ZNF697: variants seen among roughly 807,000 people sequenced by gnomAD.
ZNF697 encodes the protein zinc finger protein 697.
In ZNF697, 23 loss-of-function variants were observed where a neutral mutation model predicts 32.4. That is an observed-to-expected ratio of 0.71 (90% CI 0.51 to 1.01). The LOEUF is 1.01. Among genes scored for constraint, ZNF697 ranks in the 50% least tolerant of loss-of-function variants. The pLI, the probability that ZNF697 is intolerant of heterozygous loss-of-function variation, is 0.00. For missense variants in ZNF697, 930 were observed against 794.0 expected (o/e 1.17, Z -2.06); for synonymous variants, 418 against 337.2 (o/e 1.24, Z -2.62).
chr1:119,641,269 G>A (rs1395303038), intron 1 of ZNF697, among the ~76,000 whole-genome samples: 4 of 152,140 alleles, frequency 2.6e-5, no homozygotes, highest in Non-Finnish European at 4.4e-5. Flanking sequence ...AGGGGAGTGT[G>A]TCTTCCAGTT....
chr1:119,648,198 C>CTGGT lies in ZNF697; in HGVS notation c.-549_-546dup, dbSNP rs1314067125. 6.2e-4 allele frequency among the ~76,000 whole-genome samples: 77 copies of CTGGT among 124,724 alleles called. 1 individual carries two copies. The highest frequency in any genetic ancestry group is 2.1e-3 in the South Asian group (8 of 3,726). The allele number at this position is 124,724 out of a possible 152,430, so 81.8% of individuals were successfully genotyped here. ...GGCCGCTGGGTGGCCCGCTGGCTGG[C>CTGGT]TGGTTGGCTGGCTGGCTGGCTGGCT... On this transcript the variant is annotated 5_prime_UTR_variant, in exon 1 of 3. Transcript: ENST00000421812.
At chr1:119,645,385 A>C (rs1457162154) in intron 1 of ZNF697, among the ~76,000 whole-genome samples, 1 of 152,222 alleles carries the variant, frequency 6.6e-6, no homozygotes, top group East Asian at 1.9e-4. Context: ...TTAACACCTA[A>C]AGCAGGTGTC....
At position 119,622,533 on chromosome 1, in the gene ZNF697, G is replaced by C. The variant is rs1242631348; in HGVS notation, c.*172C>G. On this transcript the variant is annotated 3_prime_UTR_variant, in exon 3 of 3. Coordinates refer to ENST00000421812, the MANE Select transcript of ZNF697 (RefSeq NM_001080470.2). ...AGGAGGCAAGTATAGCACCGGGAAA[G>C]ACCAACTTACTCAACACTCCTCCCA... 1.6e-6 allele frequency: 2 copies of C among 1,277,936 alleles called. No homozygotes were observed. Among genetic ancestry groups the C allele is most frequent in the Admixed American group, 3.1e-5 (1 of 32,512 alleles). The allele number at this position is 1,277,936 out of a possible 1,614,324, so 79.2% of individuals were successfully genotyped here. A position where few individuals can be genotyped will look rare whatever the true frequency, so the allele number is the denominator to read the frequency against.
At position 119,648,180 on chromosome 1, in the gene ZNF697, GGGTGGCCC is replaced by G. The variant is rs1402461256; in HGVS notation, c.-535_-528del. Reference sequence around the variant, plus strand: ...GGCGGCGGCGGCTGCAGCGGCCGCTGGGTGGCCCGCTGGCTGGCTGGTTGGCTGGCTGG... The same window carrying G: ...GGCGGCGGCGGCTGCAGCGGCCGCTGGCTGGCTGGCTGGTTGGCTGGCTGG... On this transcript the variant is annotated 5_prime_UTR_variant, in exon 1 of 3. Coordinates refer to ENST00000421812, the MANE Select transcript of ZNF697 (RefSeq NM_001080470.2). Among the ~76,000 whole-genome samples, 2 of 150,500 alleles carry G rather than the reference GGGTGGCCC, an allele frequency of 1.3e-5. No individual in the cohort carries two copies. Among genetic ancestry groups the G allele is most frequent in the African/African-American group, 4.9e-5 (2 of 40,654 alleles).
At chr1:119,636,180 C>T (rs900742414) in intron 1 of ZNF697, among the ~76,000 whole-genome samples, 6 of 152,148 alleles carry the variant, frequency 3.9e-5, no homozygotes, top group African/African-American at 1.4e-4. Flanking sequence ...AACAGTACTA[C>T]ACAAACTTGC....
At position 119,623,581 on chromosome 1, in the gene ZNF697, C is replaced by A; in HGVS notation, c.762G>T (p.Arg254=). 1 of 1,453,944 alleles carries A rather than the reference C, an allele frequency of 6.9e-7. No individual in the cohort carries two copies. The highest frequency in any genetic ancestry group is 9.0e-7 in the Non-Finnish European group (1 of 1,113,812). 90.1% of individuals were successfully genotyped at this position (1,453,944 alleles called of 1,614,324 possible). A position where few individuals can be genotyped will look rare whatever the true frequency, so the allele number is the denominator to read the frequency against. Residue 254 remains arginine, a synonymous_variant, in exon 3 of 3, where the codon CGG becomes CGT. Transcript: ENST00000421812. ...GGFGAGPPLA[R]PPREKPFRCG... ...AGCGGAAGGGCTTTTCGCGCGGGGG[C>A]CGGGCCAGCGGGGGCCCGGCCCCGA...
At chr1:119,636,757 C>A (rs1648934030) in intron 1 of ZNF697, among the ~76,000 whole-genome samples, 2 of 152,184 alleles carry the variant, frequency 1.3e-5, no homozygotes, top group Non-Finnish European at 2.9e-5. Context: ...GCATATTAAC[C>A]TTGGTTTCAA....
At chr1:119,624,461 G>A (rs902383312) in intron 2 of ZNF697, among the ~76,000 whole-genome samples, 1 of 152,226 alleles carries the variant, frequency 6.6e-6, no homozygotes, top group Non-Finnish European at 1.5e-5. Flanking sequence ...CACTACGTAA[G>A]ATCTCAGGAG....
intron 1 of ZNF697, among the ~76,000 whole-genome samples, chr1:119,635,960 TTC>T (rs2101090750): frequency 6.6e-6 from 1 of 152,186 alleles, no homozygotes; most frequent in Non-Finnish European, 1.5e-5. Flanking sequence ...CACAGATATT[TTC>T]TGTTTCAGCC....
At chr1:119,632,250 C>T (rs966534783) in intron 1 of ZNF697, among the ~76,000 whole-genome samples, 4 of 152,200 alleles carry the variant, frequency 2.6e-5, no homozygotes, top group Non-Finnish European at 5.9e-5. Context: ...CACAACCAAA[C>T]GTGGCAGGCG....
At position 119,623,274 on chromosome 1, in the gene ZNF697, C is replaced by G. The variant is rs750861461; in HGVS notation, c.1069G>C (p.Glu357Gln). 4.0e-6 allele frequency: 6 copies of G among 1,501,386 alleles called. No homozygotes were observed. Among genetic ancestry groups the G allele is most frequent in the Admixed American group, 4.4e-5 (2 of 45,626 alleles). The allele number at this position is 1,501,386 out of a possible 1,614,324, so 93.0% of individuals were successfully genotyped here. Residue 357 changes from glutamate to glutamine, a missense_variant, in exon 3 of 3, where the codon GAG (glutamate) becomes CAG (glutamine). Coordinates refer to ENST00000421812, the MANE Select transcript of ZNF697 (RefSeq NM_001080470.2). The part of the protein sequence containing the change: ...AAALRPFACG[E>Q]CGKGFVRRSH... ...CGGCGCACGAAGCCCTTGCCGCACT[C>G]CCCGCAGGCGAAGGGCCGCAGCGCC...
rs1038592035 is a variant in ZNF697, at chr1:119,623,581, C to T, written c.762G>A (p.Arg254=). ...GGFGAGPPLA[R]PPREKPFRCG... is the part of the protein sequence containing the mutation. Reference sequence around the variant, plus strand: ...AGCGGAAGGGCTTTTCGCGCGGGGGCCGGGCCAGCGGGGGCCCGGCCCCGA... The same window carrying T: ...AGCGGAAGGGCTTTTCGCGCGGGGGTCGGGCCAGCGGGGGCCCGGCCCCGA... Residue 254 remains arginine, a synonymous_variant, in exon 3 of 3, where the codon CGG becomes CGA. Coordinates refer to ENST00000421812, the MANE Select transcript of ZNF697 (RefSeq NM_001080470.2). The T allele has an allele frequency of 1.4e-6, 2 of 1,453,942 alleles. No homozygotes were observed. Among genetic ancestry groups the T allele is most frequent in the Middle Eastern group, 2.4e-4 (1 of 4,094 alleles). 90.1% of individuals were successfully genotyped at this position (1,453,942 alleles called of 1,614,324 possible). A position where few individuals can be genotyped will look rare whatever the true frequency, so the allele number is the denominator to read the frequency against.
chr1:119,643,632 C>T (rs1649135943), intron 1 of ZNF697, among the ~76,000 whole-genome samples: 1 of 152,008 alleles, frequency 6.6e-6, no homozygotes, highest in African/African-American at 2.4e-5. Context: ...CTTCCTCTCC[C>T]CAGCCTTCTT....
chr1:119,623,479 G>A lies in ZNF697; in HGVS notation c.864C>T (p.Pro288=), dbSNP rs1276300296. ...TCTTGCCGCAGTCGGCGCACAGGTT[G>A]GGCCGCTCGCCCGTGTGCAGGCGCA... is the stretch of plus-strand genomic sequence containing the variant. ...NHLRLHTGER[P]NLCADCGKSF... Residue 288 remains proline (P), a synonymous_variant, in exon 3 of 3, where the codon CCC becomes CCT. Coordinates refer to ENST00000421812, the MANE Select transcript of ZNF697 (RefSeq NM_001080470.2). 2 of 1,566,978 alleles carry A rather than the reference G, an allele frequency of 1.3e-6. No individual in the cohort carries two copies. The highest frequency in any genetic ancestry group is 1.4e-5 in the African/African-American group (1 of 70,374).
In ZNF697 at chr1:119,621,227, G is replaced by T. The variant is rs1648299854; in HGVS notation, c.*1478C>A. The T allele has an allele frequency of 2.6e-5, 4 of 152,312 alleles. No homozygotes were observed. In the South Asian group the frequency reaches 8.3e-4, roughly 32 times the overall value. 9.4% of individuals were successfully genotyped at this position (152,312 alleles called of 1,614,324 possible). Reference sequence around the variant, plus strand: ...AATTTTATTATATAAATCATGACAAGTAAGTCTTCCTAGCAGCTGAGCTGG... The same window carrying T: ...AATTTTATTATATAAATCATGACAATTAAGTCTTCCTAGCAGCTGAGCTGG... On this transcript the variant is annotated 3_prime_UTR_variant, in exon 3 of 3. Coordinates refer to ENST00000421812, the MANE Select transcript of ZNF697 (RefSeq NM_001080470.2).
chr1:119,628,335 G>A (rs1570940429), intron 1 of ZNF697, among the ~76,000 whole-genome samples: 1 of 152,274 alleles, frequency 6.6e-6, no homozygotes, highest in East Asian at 1.9e-4. Flanking sequence ...GGGCACCTCA[G>A]ACATAGCAAT....
In ZNF697 at chr1:119,628,223, G is replaced by C. The variant is rs752114730; in HGVS notation, c.-37-2086C>G. Among the ~76,000 whole-genome samples, 69 of 152,102 alleles carry C rather than the reference G, an allele frequency of 4.5e-4. 1 individual carries two copies. The highest frequency in any genetic ancestry group is 9.0e-4 in the Non-Finnish European group (61 of 68,016). ...ACAGTGCCCAGCATGGCATAAAAGG[G>C]ATTGCAGCACTCCATCCTGAAGGAC... On this transcript the variant is annotated intron_variant, in intron 1 of 2. Coordinates refer to ENST00000421812, the MANE Select transcript of ZNF697 (RefSeq NM_001080470.2).
chr1:119,626,982 AG>A (rs1648610337), intron 1 of ZNF697, among the ~76,000 whole-genome samples: 1 of 152,268 alleles, frequency 6.6e-6, no homozygotes, highest in South Asian at 2.1e-4. Flanking sequence ...TGTGAATCAT[AG>A]GGAGAAAATG....
chr1:119,633,211 G>A (rs781560128), intron 1 of ZNF697, among the ~76,000 whole-genome samples: 9 of 152,170 alleles, frequency 5.9e-5, no homozygotes, highest in Middle Eastern at 3.2e-3. Context: ...TCAATTTTGC[G>A]GATGGTGTCT....
Sources: gnomAD v4.1 joint callset for allele counts (sites outside exome capture counted in the v4.1 genomes callset) on GRCh38, gnomAD v4.1.1 for gene constraint, MANE v1.5 for transcripts, NCBI Gene and HGNC (gene_info 2026-07-23, HGNC 2026-07-21) for gene names.